Variants in BAZ2B observed in about 807,000 individuals in gnomAD.
The protein encoded by BAZ2B is bromodomain adjacent to zinc finger domain protein 2B.
Under a neutral mutation model 246.0 loss-of-function variants are expected in BAZ2B, and 91 were observed. The observed-to-expected ratio is 0.37, with a 90% CI of 0.31 to 0.44. The LOEUF is 0.44. BAZ2B is among the 20% of genes least tolerant of loss of function. BAZ2B has a pLI of 1.00. For missense variants in BAZ2B, 2,332 were observed against 2,533.7 expected (o/e 0.92, Z 1.71); for synonymous variants, 855 against 860.0 (o/e 0.99, Z 0.10).
At chr2:159,423,622 T>C (rs2069193734) in intron 13 of BAZ2B, among the ~76,000 whole-genome samples, 1 of 152,200 alleles carries the variant, frequency 6.6e-6, no homozygotes, top group Non-Finnish European at 1.5e-5. Flanking sequence ...TCAACCTATA[T>C]GCCCATCAAC....
chr2:159,453,524 C>T (rs533195963), intron 4 of BAZ2B, 89 bp downstream of exon 4: 2 of 1,378,866 alleles, frequency 1.5e-6, no homozygotes, highest in South Asian at 1.7e-5. Context: ...AGGCATTAGA[C>T]TATTCCTTTT....
chr2:159,386,046 A>C (rs577333856), intron 22 of BAZ2B, among the ~76,000 whole-genome samples: 2 of 152,278 alleles, frequency 1.3e-5, no homozygotes, highest in South Asian at 4.1e-4. Flanking sequence ...TACAAGTTCT[A>C]GTTGCCTTAT....
chr2:159,692,313 T>C, the BAZ2B span, among the ~76,000 whole-genome samples: 2 of 151,912 alleles, frequency 1.3e-5, no homozygotes, highest in African/African-American at 2.4e-5. Context: ...CACAGTACCA[T>C]GGCCAGCTAA....
chr2:159,350,308 A>C lies in BAZ2B; in HGVS notation c.4263T>G (p.Ser1421Arg), dbSNP rs376222922. The C allele has an allele frequency of 7.6e-6, 12 of 1,582,216 alleles. No individual in the cohort carries two copies. The African/African-American group carries it at 1.5e-4, about 20-fold the overall frequency. ...CAAACATTTCTTCTTTGATCTGGAC[A>C]CTTTCTGCCTTTTTCAGTTTTTCTC... ...KEREKLKKAE[S>R]VQIKEEMFET... The change falls in exon 28 of 37, where the codon AGT (serine) becomes AGG (arginine). Residue 1421 changes from serine to arginine, a missense_variant. By Grantham distance (110) the Ser-to-Arg change is moderately radical (BLOSUM62 -1). This residue lies in a region of BAZ2B where 676 missense variants were observed against 668.6 expected (regional missense o/e 1.01). Coordinates refer to ENST00000392783, the MANE Select transcript of BAZ2B (RefSeq NM_013450.4).
chr2:159,396,465 C>T (rs2064035486), intron 19 of BAZ2B: 1 of 152,118 alleles, frequency 6.6e-6, no homozygotes, highest in South Asian at 2.1e-4. Context: ...CCACCTGATA[C>T]TCTATTTAAA....
At chr2:159,441,566 T>C (rs565058346) in intron 6 of BAZ2B, among the ~76,000 whole-genome samples, 1 of 152,358 alleles carries the variant, frequency 6.6e-6, no homozygotes, top group Non-Finnish European at 1.5e-5. Context: ...TTAGAGTATA[T>C]ATGTGTCATT....
intron 1 of BAZ2B, among the ~76,000 whole-genome samples, chr2:159,570,938 C>T (rs1030323428): frequency 6.6e-6 from 1 of 152,150 alleles, no homozygotes; most frequent in South Asian, 2.1e-4. Flanking sequence ...ACTGCAACCT[C>T]CTCCTCCTGG....
intron 31 of BAZ2B, 89 bp downstream of exon 31, chr2:159,347,397 G>T: frequency 7.4e-7 from 1 of 1,348,230 alleles, no homozygotes; most frequent in Non-Finnish European, 1.0e-6. Flanking sequence ...AAAACATTTA[G>T]CACATTAACT....
chr2:159,382,423 G>GT (rs2149502566), intron 25 of BAZ2B, 136 bp downstream of exon 25: 1 of 929,622 alleles, frequency 1.1e-6, no homozygotes, highest in East Asian at 2.6e-5. Context: ...TGTAATATTT[G>GT]TTTTTCAGAT....
chr2:159,698,418 G>A, the BAZ2B span, among the ~76,000 whole-genome samples: 2,135 of 150,254 alleles, frequency 0.014, 20 homozygotes, highest in Non-Finnish European at 0.022. Context: ...CTACTCAGAT[G>A]ACTTGAGCCC....
At chr2:159,520,819 G>A (rs1333286095) in intron 2 of BAZ2B, among the ~76,000 whole-genome samples, 1 of 152,076 alleles carries the variant, frequency 6.6e-6, no homozygotes, top group East Asian at 1.9e-4. Flanking sequence ...TATTTTGTAA[G>A]CTAGTGTCAA....
chr2:159,523,499 T>C (rs999031767), intron 2 of BAZ2B, among the ~76,000 whole-genome samples: 17 of 151,352 alleles, frequency 1.1e-4, no homozygotes, highest in Admixed American at 3.3e-4. Context: ...AGATCAGGAG[T>C]TCGAGACCAG....
At chr2:159,476,647 T>C (rs760760800) in intron 3 of BAZ2B, among the ~76,000 whole-genome samples, 7 of 152,226 alleles carry the variant, frequency 4.6e-5, no homozygotes, top group Non-Finnish European at 7.3e-5. Context: ...AAGGATGCTA[T>C]TGAAGCCTTC....
Position 159,593,161 on chromosome 2 carries a change from T to G in BAZ2B, c.-46+23081A>C, listed in dbSNP as rs149334427. On this transcript the variant is annotated intron_variant, in intron 1 of 36. Coordinates refer to ENST00000392783, the MANE Select transcript of BAZ2B (RefSeq NM_013450.4). ...TGTTCACTTAATAAAACATATGATATGCTAATCTGTACCATCAGAGAACAA... is the reference window on the plus strand; with the variant it reads ...TGTTCACTTAATAAAACATATGATAGGCTAATCTGTACCATCAGAGAACAA... 3.9e-3 allele frequency among the ~76,000 whole-genome samples: 594 copies of G among 152,354 alleles called. 1 individual carries two copies. The highest frequency in any genetic ancestry group is 0.014 in the African/African-American group (566 of 41,584).
intron 1 of BAZ2B, among the ~76,000 whole-genome samples, chr2:159,599,993 T>C (rs1691755074): frequency 1.3e-5 from 2 of 149,324 alleles, no homozygotes; most frequent in South Asian, 2.1e-4. Context: ...TGAGGGATAA[T>C]TGGGGGTACT....
intron 2 of BAZ2B, among the ~76,000 whole-genome samples, chr2:159,530,156 C>T (rs939743372): frequency 1.3e-4 from 20 of 152,176 alleles, no homozygotes; most frequent in Non-Finnish European, 1.2e-4. Flanking sequence ...CAAAGGACTA[C>T]CTATAATATT....
intron 1 of BAZ2B, among the ~76,000 whole-genome samples, chr2:159,601,240 A>G (rs1191513121): frequency 6.6e-6 from 1 of 152,228 alleles, no homozygotes; most frequent in South Asian, 2.1e-4. Flanking sequence ...AACCAAAAAA[A>G]CCCCTTCAAC....
intron 35 of BAZ2B, among the ~76,000 whole-genome samples, 175 bp from the exon 36 acceptor site, chr2:159,325,129 A>G (rs1201552199): frequency 2.7e-5 from 1 of 37,078 alleles, no homozygotes; most frequent in African/African-American, 1.2e-4. Flanking sequence ...ATATATATAT[A>G]TATATATATA....
intron 12 of BAZ2B, 124 bp from the exon 13 acceptor site, chr2:159,428,166 A>T (rs1055713716): frequency 5.4e-6 from 6 of 1,114,566 alleles, no homozygotes; most frequent in East Asian, 2.4e-5. Flanking sequence ...TTTATAGGAG[A>T]TCAATTTAGG....
Sources: allele counts gnomAD v4.1 joint callset (sites outside exome capture counted in the v4.1 genomes callset), GRCh38; gene constraint gnomAD v4.1.1; regional missense constraint gnomAD v4.1.1; transcripts MANE v1.5; gene names NCBI Gene and HGNC (gene_info 2026-07-23, HGNC 2026-07-21).